The following NRXN3 variants were observed in gnomAD, a reference collection of about 807,000 sequenced individuals.
NRXN3 encodes neurexin 3.
In NRXN3, 32 loss-of-function variants were observed where a neutral mutation model predicts 137.6. That is an observed-to-expected ratio of 0.23 (90% CI 0.18 to 0.31). The LOEUF is 0.31. Among genes scored for constraint, NRXN3 ranks in the 10% least tolerant of loss-of-function variants. NRXN3 has a pLI of 1.00. For synonymous variants in NRXN3, 798 were observed against 784.5 expected (o/e 1.02, Z -0.29); for missense variants, 1,574 against 2,062.5 (o/e 0.76, Z 4.59).
intron 6 of NRXN3, among the ~76,000 whole-genome samples, chr14:78,666,682 T>C (rs1347311716): frequency 6.6e-6 from 1 of 152,188 alleles, no homozygotes; most frequent in Non-Finnish European, 1.5e-5. Flanking sequence ...GTCCTCTGCT[T>C]CCTGGTCCTT....
chr14:78,791,575 C>T (rs921457661), intron 8 of NRXN3, among the ~76,000 whole-genome samples: 2 of 152,020 alleles, frequency 1.3e-5, no homozygotes, highest in South Asian at 2.1e-4. Context: ...TTACCTGTTC[C>T]CACTGAAAAC....
At chr14:78,949,576 A>G (rs1440471874) in intron 10 of NRXN3, among the ~76,000 whole-genome samples, 2 of 150,284 alleles carry the variant, frequency 1.3e-5, no homozygotes, top group Non-Finnish European at 2.9e-5. Flanking sequence ...TTCTACCTCA[A>G]AGGGCATAGA....
At chr14:79,618,821 G>A (rs1165296024) in intron 16 of NRXN3, among the ~76,000 whole-genome samples, 1 of 152,068 alleles carries the variant, frequency 6.6e-6, no homozygotes, top group African/African-American at 2.4e-5. Flanking sequence ...CACCAACAGT[G>A]TAGCTTTCCC....
At chr14:78,355,382 C>T (rs1241603510) in intron 4 of NRXN3, among the ~76,000 whole-genome samples, 1 of 151,668 alleles carries the variant, frequency 6.6e-6, no homozygotes, top group Non-Finnish European at 1.5e-5. Flanking sequence ...CTCATATGAA[C>T]CCATTTCTTT....
chr14:78,484,488 T>G (rs1343009918), intron 4 of NRXN3, among the ~76,000 whole-genome samples: 2 of 152,160 alleles, frequency 1.3e-5, no homozygotes, highest in African/African-American at 2.4e-5. Flanking sequence ...ATGTATTACT[T>G]TCCTCCATGT....
intron 15 of NRXN3, among the ~76,000 whole-genome samples, chr14:79,233,002 A>G (rs1376297193): frequency 6.6e-6 from 1 of 152,184 alleles, no homozygotes; most frequent in Non-Finnish European, 1.5e-5. Context: ...GATTCATTAA[A>G]TATAAACTAC....
chr14:78,402,216 T>C (rs2092134353), intron 4 of NRXN3, among the ~76,000 whole-genome samples: 4 of 152,238 alleles, frequency 2.6e-5, no homozygotes, highest in Admixed American at 2.0e-4. Context: ...CTAGCATCTT[T>C]GAAGAAAAGA....
At chr14:78,383,500 T>C (rs2089481508) in intron 4 of NRXN3, among the ~76,000 whole-genome samples, 1 of 152,198 alleles carries the variant, frequency 6.6e-6, no homozygotes, top group Non-Finnish European at 1.5e-5. Context: ...CTACCTTTAA[T>C]CTAATTTTAG....
At chr14:79,468,174 C>G (rs915544269) in intron 16 of NRXN3, among the ~76,000 whole-genome samples, 3 of 152,170 alleles carry the variant, frequency 2.0e-5, no homozygotes, top group African/African-American at 7.2e-5. Context: ...CCCTTAATCC[C>G]TGTAGATCAT....
chr14:78,926,782 AAATATAT>A lies in NRXN3; in HGVS notation c.2276-30459_2276-30453del, dbSNP rs1170828251. On this transcript the variant is annotated intron_variant, in intron 10 of 20. Coordinates refer to ENST00000335750, the MANE Select transcript of NRXN3 (RefSeq NM_001330195.2). ...ATATATTATATATATTATATATATAAAATATATTATATATTATATATTTATATATATT... is the reference window on the plus strand; with the variant it reads ...ATATATTATATATATTATATATATAATATATATTATATATTTATATATATT... Among the ~76,000 whole-genome samples, 53 of 37,492 alleles carry A rather than the reference AAATATAT, an allele frequency of 1.4e-3. 13 individuals are homozygous for A. The highest frequency in any genetic ancestry group is 9.8e-3 in the African/African-American group (46 of 4,690). 24.6% of individuals were successfully genotyped at this position (37,492 alleles called of 152,430 possible). A position where few individuals can be genotyped will look rare whatever the true frequency, so the allele number is the denominator to read the frequency against.
intron 16 of NRXN3, among the ~76,000 whole-genome samples, chr14:79,579,706 T>C (rs1184900402): frequency 6.6e-6 from 1 of 152,176 alleles, no homozygotes; most frequent in Non-Finnish European, 1.5e-5. Flanking sequence ...GTGGGGTCCA[T>C]GTGATATTTT....
chr14:79,779,609 C>G (rs12896932), intron 19 of NRXN3, among the ~76,000 whole-genome samples: 1 of 152,180 alleles, frequency 6.6e-6, no homozygotes. Flanking sequence ...AAACTTTTCT[C>G]TGAGGATACT....
At chr14:78,832,261 G>A (rs1199995805) in intron 10 of NRXN3, among the ~76,000 whole-genome samples, 1 of 151,832 alleles carries the variant, frequency 6.6e-6, no homozygotes, top group Non-Finnish European at 1.5e-5. Context: ...GTCTGCCTAA[G>A]ATGTTGATAC....
chr14:79,419,349 A>C (rs1004244943), intron 15 of NRXN3, among the ~76,000 whole-genome samples: 25 of 152,226 alleles, frequency 1.6e-4, no homozygotes, highest in Non-Finnish European at 4.4e-5. Flanking sequence ...GATGAATTGC[A>C]ATAGGGTTAC....
intron 19 of NRXN3, among the ~76,000 whole-genome samples, chr14:79,762,289 G>GAATT (rs2099041332): frequency 6.6e-6 from 1 of 151,630 alleles, no homozygotes; most frequent in Non-Finnish European, 1.5e-5. Context: ...ATAAGTGATT[G>GAATT]AATTAGTTTT....
chr14:79,234,907 T>C (rs1043011658), intron 15 of NRXN3, among the ~76,000 whole-genome samples: 1 of 152,136 alleles, frequency 6.6e-6, no homozygotes, highest in African/African-American at 2.4e-5. Flanking sequence ...GTTGGGGAAA[T>C]CTAACTAAAC....
chr14:78,801,566 G>A (rs369844053), intron 8 of NRXN3, among the ~76,000 whole-genome samples: 1 of 152,124 alleles, frequency 6.6e-6, no homozygotes, highest in Non-Finnish European at 1.5e-5. Context: ...CCACCCCCAT[G>A]ATCCAATTAT....
intron 16 of NRXN3, among the ~76,000 whole-genome samples, chr14:79,635,155 A>G (rs2098394075): frequency 6.6e-6 from 1 of 152,230 alleles, no homozygotes; most frequent in African/African-American, 2.4e-5. Flanking sequence ...TATACAATAT[A>G]CACAGGTATG....
chr14:79,778,586 G>GTTGT (rs936094644), intron 19 of NRXN3, among the ~76,000 whole-genome samples: 4 of 152,024 alleles, frequency 2.6e-5, no homozygotes, highest in Admixed American at 6.6e-5. Context: ...GGAGTAGCAT[G>GTTGT]TTGTTTGTTT....
Sources: gnomAD v4.1 joint callset for allele counts (sites outside exome capture counted in the v4.1 genomes callset) on GRCh38, gnomAD v4.1.1 for gene constraint, MANE v1.5 for transcripts, NCBI Gene and HGNC (gene_info 2026-07-23, HGNC 2026-07-21) for gene names.